The following PRKN variants were observed in gnomAD, a reference collection of about 807,000 sequenced individuals.
The protein encoded by PRKN is E3 ubiquitin-protein ligase parkin.
A neutral mutation model predicts 59.5 loss-of-function variants in PRKN; 56 were observed. The ratio of observed to expected loss-of-function variants is 0.94; its 90% CI spans 0.76 to 1.18. PRKN has a LOEUF of 1.18. PRKN is among the 50% of genes most tolerant of loss of function. The probability of loss-of-function intolerance (pLI) is 0.00; values close to 1 mark genes in which losing one functional copy is unlikely to be tolerated. For missense variants in PRKN, 657 were observed against 596.4 expected, an observed-to-expected ratio of 1.10 and a Z score of -1.06; for synonymous variants, 250 against 222.1, an observed-to-expected ratio of 1.13 and a Z score of -1.12.
In PRKN at chr6:161,428,499, G is replaced by A. The variant is rs1323745332; in HGVS notation, c.1084-41622C>T. 6.6e-6 allele frequency among the ~76,000 whole-genome samples: 1 copy of A among 152,140 alleles called. No homozygotes were observed. The highest frequency in any genetic ancestry group is 2.4e-5 in the African/African-American group (1 of 41,408). ...TTCGAACCTGGCTGGCATCGCAGAT[G>A]CCCGTGCCCAGGGCAGCAGCCATAA... On this transcript the variant is annotated intron_variant, in intron 9 of 11. Transcript: ENST00000366898. This position sits in a 1 kb window ranked among gnomAD's most constrained non-coding sequence, Gnocchi z 4.0.
At chr6:162,607,573 T>G (rs1239119342) in intron 1 of PRKN, among the ~76,000 whole-genome samples, 1 of 151,912 alleles carries the variant, frequency 6.6e-6, no homozygotes, top group Non-Finnish European at 1.5e-5. Context: ...AACCTGGGTC[T>G]GTTTAAAAAC....
intron 7 of PRKN, among the ~76,000 whole-genome samples, chr6:161,596,226 G>A (rs956504159): frequency 2.0e-5 from 3 of 151,970 alleles, no homozygotes; most frequent in South Asian, 2.1e-4. Context: ...TTTATCTAGA[G>A]AATGATGACC....
intron 5 of PRKN, among the ~76,000 whole-genome samples, chr6:162,015,108 A>G (rs1782885065): frequency 6.6e-6 from 1 of 152,188 alleles, no homozygotes; most frequent in African/African-American, 2.4e-5. Context: ...CCTTTTGAAA[A>G]TTGGAAGCCA....
At chr6:162,643,412 A>AAAAAAAAAAG (rs71784410) in intron 1 of PRKN, among the ~76,000 whole-genome samples, 66 of 139,634 alleles carry the variant, frequency 4.7e-4, no homozygotes, top group East Asian at 1.1e-3. Flanking sequence ...AAAAAAAAAA[A>AAAAAAAAAAG]AAAGAAAGAA....
rs1223514985 is a variant in PRKN at position 162,436,831 on chromosome 6, C to G, written c.171+6479G>C. On this transcript the variant is annotated intron_variant, in intron 2 of 11. Coordinates refer to ENST00000366898, the MANE Select transcript of PRKN (RefSeq NM_004562.3). ...AAGAGGCCAGGAGTGGTGGCTCATG[C>G]CTGTAATCTCAGCACTTTGGGAGGA... 3.3e-5 allele frequency among the ~76,000 whole-genome samples: 5 copies of G among 152,032 alleles called. No individual in the cohort carries two copies. The South Asian group carries it at 1.0e-3, about 32-fold the overall frequency.
At chr6:161,436,339 A>AGGGCAGAGAGCAGGGGGCGGGATGGGC in intron 9 of PRKN, among the ~76,000 whole-genome samples, 1 of 125,658 alleles carries the variant, frequency 8.0e-6, no homozygotes, top group Non-Finnish European at 1.7e-5. Context: ...GCGGGATGGG[A>AGGGCAGAGAGCAGGGGGCGGGATGGGC]GGGCCTGCTG....
chr6:161,744,383 G>C (rs1788326899), intron 7 of PRKN, among the ~76,000 whole-genome samples: 4 of 152,048 alleles, frequency 2.6e-5, no homozygotes. Flanking sequence ...GTTGCACATG[G>C]CACAGAGAAG....
Position 162,711,724 on chromosome 6 carries a change from G to C in PRKN, c.7+15938C>G, listed in dbSNP as rs147178609. Among the ~76,000 whole-genome samples, 508 of 152,256 alleles carry C rather than the reference G, an allele frequency of 3.3e-3. 1 individual carries two copies. The highest frequency in any genetic ancestry group is 4.5e-3 in the Non-Finnish European group (305 of 68,014). ...AAGTGTAGCAACAAATTCCAAACTA[G>C]AGTGGCCTGTGCTCTCTATATGGGG... is the stretch of plus-strand genomic sequence containing the variant. On this transcript the variant is annotated intron_variant, in intron 1 of 11. Coordinates refer to ENST00000366898, the MANE Select transcript of PRKN (RefSeq NM_004562.3).
intron 4 of PRKN, among the ~76,000 whole-genome samples, chr6:162,159,051 C>A (rs1309748362): frequency 6.6e-6 from 1 of 151,984 alleles, no homozygotes; most frequent in Non-Finnish European, 1.5e-5. Context: ...TGTGTTTGTA[C>A]CTCCTATTGT....
At chr6:162,089,148 T>C (rs79936851) in intron 4 of PRKN, among the ~76,000 whole-genome samples, 5,650 of 152,236 alleles carry the variant, frequency 0.037, 154 homozygotes, top group Middle Eastern at 0.058. Flanking sequence ...AAATCACATA[T>C]GTCATAAAAA....
In PRKN at chr6:162,588,753, G is replaced by T. The variant is rs34549249; in HGVS notation, c.7+138909C>A. On this transcript the variant is annotated intron_variant, in intron 1 of 11. Coordinates refer to ENST00000366898, the MANE Select transcript of PRKN (RefSeq NM_004562.3). ...TTTTTAGTAGAGACTGGGTTTCACC[G>T]TGTTAGCCAGGATGGTCTCGATCTC... 6.6e-5 allele frequency among the ~76,000 whole-genome samples: 10 copies of T among 151,880 alleles called. 1 individual carries two copies. The highest frequency in any genetic ancestry group is 5.9e-4 in the Admixed American group (9 of 15,252).
Position 161,368,454 on chromosome 6 carries a change from T to C in PRKN, c.1168-8249A>G, listed in dbSNP as rs1001136955. Among the ~76,000 whole-genome samples, 14 of 140,436 alleles carry C rather than the reference T, an allele frequency of 1.0e-4. 1 individual carries two copies. The East Asian group carries it at 2.9e-3, about 29-fold the overall frequency. 92.1% of individuals were successfully genotyped at this position (140,436 alleles called of 152,430 possible). On this transcript the variant is annotated intron_variant, in intron 10 of 11. Transcript: ENST00000366898. ...CATATAGTCCCAGCTACTCAGGAGG[T>C]TGAGGCATGAGAATCACTTGAATCC...
chr6:162,332,721 T>C (rs1783638638), intron 2 of PRKN, among the ~76,000 whole-genome samples: 1 of 152,106 alleles, frequency 6.6e-6, no homozygotes, highest in Non-Finnish European at 1.5e-5. Flanking sequence ...GTGTGAATGG[T>C]GTCCCTCCAC....
chr6:162,470,621 C>T (rs1232740276), intron 1 of PRKN, among the ~76,000 whole-genome samples: 1 of 152,108 alleles, frequency 6.6e-6, no homozygotes, highest in Non-Finnish European at 1.5e-5. Context: ...AGCATACATT[C>T]TAGATGGTTT....
At chr6:161,652,127 AGTT>A (rs1784171907) in intron 7 of PRKN, among the ~76,000 whole-genome samples, 1 of 152,230 alleles carries the variant, frequency 6.6e-6, no homozygotes, top group African/African-American at 2.4e-5. Flanking sequence ...GCAGCACTTT[AGTT>A]TATGCAGACA....
At chr6:162,144,972 G>C (rs1258983180) in intron 4 of PRKN, among the ~76,000 whole-genome samples, 1 of 152,110 alleles carries the variant, frequency 6.6e-6, no homozygotes, top group Admixed American at 6.5e-5. Flanking sequence ...CTTAATCAAG[G>C]ATTCAGGCTT....
At chr6:162,436,359 G>C (rs1267925171) in intron 2 of PRKN, among the ~76,000 whole-genome samples, 4 of 148,384 alleles carry the variant, frequency 2.7e-5, no homozygotes, top group African/African-American at 1.0e-4. Context: ...TTTTGAAACA[G>C]AGTCTCTTTG....
At chr6:162,175,813 C>T (rs1783505020) in intron 4 of PRKN, among the ~76,000 whole-genome samples, 1 of 152,166 alleles carries the variant, frequency 6.6e-6, no homozygotes, top group Non-Finnish European at 1.5e-5. Flanking sequence ...TGATGCAATG[C>T]AAATGTCCTG....
intron 2 of PRKN, among the ~76,000 whole-genome samples, chr6:162,393,155 C>CTTTTTTTTTTTGTTTTTTT (rs1787292573): frequency 1.2e-5 from 1 of 80,190 alleles, no homozygotes; most frequent in Non-Finnish European, 2.3e-5. Flanking sequence ...ATAGGAGATT[C>CTTTTTTTTTTTGTTTTTTT]TTTTTTTTTT....
Sources: allele counts gnomAD v4.1 joint callset (sites outside exome capture counted in the v4.1 genomes callset), GRCh38; gene constraint gnomAD v4.1.1; non-coding constraint Gnocchi (gnomAD v3.1); transcripts MANE v1.5; gene names NCBI Gene and HGNC (gene_info 2026-07-23, HGNC 2026-07-21).